SENP2: variants seen among roughly 807,000 people sequenced by gnomAD.
The protein encoded by SENP2 is SUMO specific peptidase 2.
Under a neutral mutation model 86.3 loss-of-function variants are expected in SENP2, and 16 were observed. That is an observed-to-expected ratio of 0.19 (90% CI 0.13 to 0.28). The LOEUF is 0.28. SENP2 is among the 10% of genes least tolerant of loss of function. SENP2 has a pLI of 1.00. For synonymous variants in SENP2, 222 were observed against 238.7 expected (o/e 0.93, Z 0.64); for missense variants, 552 against 703.0 (o/e 0.79, Z 2.43).
rs954099510 is a variant in SENP2 at position 185,624,604 on chromosome 3, G to A, written c.1611+522G>A. 7.2e-5 allele frequency among the ~76,000 whole-genome samples: 11 copies of A among 152,100 alleles called. 1 individual carries two copies. Among genetic ancestry groups the A allele is most frequent in the South Asian group, 6.2e-4 (3 of 4,810 alleles). Reference sequence around the variant, plus strand: ...AAACTGAAAAGTTTGGGCCAGGCGCGGTGGCTCACACTTGTAATCCCAGCA... The same window carrying A: ...AAACTGAAAAGTTTGGGCCAGGCGCAGTGGCTCACACTTGTAATCCCAGCA... On this transcript the variant is annotated intron_variant, in intron 15 of 16. Coordinates refer to ENST00000296257, the MANE Select transcript of SENP2 (RefSeq NM_021627.3).
Position 185,617,577 on chromosome 3 carries a change from A to G in SENP2, c.1208A>G (p.Gln403Arg). The G allele has an allele frequency of 6.2e-7, 1 of 1,613,812 alleles. No homozygotes were observed. Among genetic ancestry groups the G allele is most frequent in the Non-Finnish European group, 8.5e-7 (1 of 1,179,746 alleles). ...TTGCGAATTACTCGAGGAGATATTC[A>G]GACATTAAAGAACTATCACTGGCTC... is the stretch of plus-strand genomic sequence containing the variant. ...FKLRITRGDI[Q>R]TLKNYHWLND... The change falls in exon 12 of 17, where the codon CAG (glutamine) becomes CGG (arginine). Residue 403 changes from glutamine (Q) to arginine (R), a missense_variant. This residue lies in a region of SENP2 where 169 missense variants were observed against 275.7 expected (regional missense o/e 0.61). Transcript: ENST00000296257.
intron 6 of SENP2, among the ~76,000 whole-genome samples, chr3:185,607,558 G>A (rs996241993): frequency 3.3e-5 from 5 of 151,586 alleles, no homozygotes; most frequent in Non-Finnish European, 5.9e-5. Context: ...TCAAACTCCC[G>A]ACCTCAGGTG....
At position 185,629,850 on chromosome 3, in the gene SENP2, CTT is replaced by C. The variant is rs774312688; in HGVS notation, c.*8_*9del. Reference sequence around the variant, plus strand: ...TTCATCAGCAGTTGCTGTGAGAAAACTTTGCCTGGTCCCTCTAGCTGCTGGTG... The same window carrying C: ...TTCATCAGCAGTTGCTGTGAGAAAACTGCCTGGTCCCTCTAGCTGCTGGTG... On this transcript the variant is annotated 3_prime_UTR_variant, in exon 17 of 17. Coordinates refer to ENST00000296257, the MANE Select transcript of SENP2 (RefSeq NM_021627.3). 2 of 1,613,996 alleles carry C rather than the reference CTT, an allele frequency of 1.2e-6. No homozygotes were observed. Among genetic ancestry groups the C allele is most frequent in the Admixed American group, 1.7e-5 (1 of 60,018 alleles).
chr3:185,607,849 T>G (rs1469661960), intron 6 of SENP2, among the ~76,000 whole-genome samples: 2 of 152,220 alleles, frequency 1.3e-5, no homozygotes, highest in Non-Finnish European at 2.9e-5. Flanking sequence ...TTTTATAAAC[T>G]TTAGTAACTG....
Position 185,586,342 on chromosome 3 carries a change from C to T in SENP2, c.-72C>T. On this transcript the variant is annotated 5_prime_UTR_variant, in exon 1 of 17. Transcript: ENST00000296257. This position sits in a 1 kb window ranked among gnomAD's most constrained non-coding sequence, Gnocchi z 4.3. ...GCGGTGGTGGTTAAGACGGCGAAGG[C>T]GGCAGCGGCGGCGACAGCTCTGGGG... 2 of 1,593,100 alleles carry T rather than the reference C, an allele frequency of 1.3e-6. No homozygotes were observed. Among genetic ancestry groups the T allele is most frequent in the South Asian group, 2.2e-5 (2 of 90,016 alleles).
Position 185,633,358 on chromosome 3 carries a change from C to CG in SENP2, c.*3514_*3515insG, listed in dbSNP as rs1363167232. ...CTTTTGTAACTGTTTGAGAAAAACT[C>CG]TGAAGCACCTGATATTCAAACAAAC... On this transcript the variant is annotated 3_prime_UTR_variant, in exon 17 of 17. Transcript: ENST00000296257. 1 of 151,556 alleles carries CG rather than the reference C, an allele frequency of 6.6e-6. No individual in the cohort carries two copies. The highest frequency in any genetic ancestry group is 6.6e-5 in the Admixed American group (1 of 15,154). 9.4% of individuals were successfully genotyped at this position (151,556 alleles called of 1,614,324 possible).
At chr3:185,599,809 C>CG in intron 4 of SENP2, among the ~76,000 whole-genome samples, 1 of 132,018 alleles carries the variant, frequency 7.6e-6, no homozygotes, top group East Asian at 2.1e-4. Context: ...TTCTTTCTTT[C>CG]TTTTTTTTTT....
chr3:185,624,859 C>G (rs1401120889), intron 15 of SENP2, among the ~76,000 whole-genome samples: 1 of 143,540 alleles, frequency 7.0e-6, no homozygotes, highest in African/African-American at 2.5e-5. Context: ...CAGAGCGAGA[C>G]TGTCTCAAAA....
chr3:185,595,394 T>G (rs1477722474), intron 2 of SENP2, among the ~76,000 whole-genome samples: 1 of 152,176 alleles, frequency 6.6e-6, no homozygotes, highest in Non-Finnish European at 1.5e-5. Flanking sequence ...AACCTGGAAT[T>G]CTCTGATTCC....
rs1009771876 is a variant in SENP2 at position 185,630,103 on chromosome 3, AT to A, written c.*267del. The A allele has an allele frequency of 4.2e-5, 15 of 353,436 alleles. No individual in the cohort carries two copies. Among genetic ancestry groups the A allele is most frequent in the East Asian group, 2.1e-4 (5 of 24,340 alleles). 21.9% of individuals were successfully genotyped at this position (353,436 alleles called of 1,614,324 possible). On this transcript the variant is annotated 3_prime_UTR_variant, in exon 17 of 17. Transcript: ENST00000296257. ...CACACAAGAACAAACGCTAACTAAT[AT>A]TTTTTTTAAGAGATTCTTTTCCCTA... is the stretch of plus-strand genomic sequence containing the variant.
chr3:185,614,476 AG>A, intron 10 of SENP2, 87 bp from the exon 11 acceptor site: 1 of 1,204,774 alleles, frequency 8.3e-7, no homozygotes, highest in Non-Finnish European at 1.2e-6. Flanking sequence ...CTTTCACATT[AG>A]TGGCAGTTTT....
In SENP2 at chr3:185,632,213, GTTTTTTTTTTGTTTTTTTTTTTTGT is replaced by G. The variant is rs1712507018; in HGVS notation, c.*2380_*2404del. The G allele has an allele frequency of 8.0e-6, 1 of 125,326 alleles. No individual in the cohort carries two copies. The highest frequency in any genetic ancestry group is 3.0e-5 in the African/African-American group (1 of 33,022). 7.8% of individuals were successfully genotyped at this position (125,326 alleles called of 1,614,324 possible). A position where few individuals can be genotyped will look rare whatever the true frequency, so the allele number is the denominator to read the frequency against. ...CAAATTATCACCATTAAAGCCAGTG[GTTTTTTTTTTGTTTTTTTTTTTTGT>G]TTTTTTTTTTTTTTTTTGCGACAGA... On this transcript the variant is annotated 3_prime_UTR_variant, in exon 17 of 17. Coordinates refer to ENST00000296257, the MANE Select transcript of SENP2 (RefSeq NM_021627.3).
intron 13 of SENP2, among the ~76,000 whole-genome samples, chr3:185,620,983 A>C (rs1485558327): frequency 2.6e-5 from 4 of 151,174 alleles, no homozygotes; most frequent in Admixed American, 2.6e-4. Context: ...TACAAATTTA[A>C]AAATTTGCTG....
At chr3:185,618,968 A>T (rs1040604531) in intron 12 of SENP2, among the ~76,000 whole-genome samples, 4 of 152,242 alleles carry the variant, frequency 2.6e-5, no homozygotes, top group Non-Finnish European at 5.9e-5. Flanking sequence ...AGTCTAATTT[A>T]TATGTAGTAA....
chr3:185,621,386 C>CTTTTTTTTTTTTTTTTTTTT (rs1220771289), intron 13 of SENP2, among the ~76,000 whole-genome samples: 3 of 78,776 alleles, frequency 3.8e-5, no homozygotes, highest in Admixed American at 1.9e-4. Context: ...TCTTTTTTTT[C>CTTTTTTTTTTTTTTTTTTTT]TTTTTTTTTT....
chr3:185,611,946 C>G (rs1180748920), intron 8 of SENP2, among the ~76,000 whole-genome samples: 3 of 152,134 alleles, frequency 2.0e-5, no homozygotes, highest in African/African-American at 7.2e-5. Flanking sequence ...CACCTGAGGT[C>G]AGGAGTTCAA....
At chr3:185,591,598 G>A (rs932333107) in intron 2 of SENP2, among the ~76,000 whole-genome samples, 4 of 152,094 alleles carry the variant, frequency 2.6e-5, no homozygotes, top group Non-Finnish European at 4.4e-5. Flanking sequence ...TGATCCACCT[G>A]CCTCAGCCTC....
rs202198191 is a variant in SENP2 at position 185,619,319 on chromosome 3, T to C, written c.1263T>C (p.Asn421=). 239 of 1,613,544 alleles carry C rather than the reference T, an allele frequency of 1.5e-4. 2 individuals are homozygous for C. The highest frequency in any genetic ancestry group is 3.6e-5 in the Non-Finnish European group (42 of 1,179,546). ...LNDEVINFYM[N]LLVERNKKQG... is the part of the protein sequence containing the mutation. ...TGTAGGTCATTAATTTTTACATGAA[T>C]CTTCTGGTGGAAAGAAATAAAAAGC... Residue 421 remains asparagine (N), a synonymous_variant, in exon 13 of 17, where the codon AAT becomes AAC. Transcript: ENST00000296257.
chr3:185,616,957 T>C (rs1347061113), intron 11 of SENP2, among the ~76,000 whole-genome samples: 2 of 152,194 alleles, frequency 1.3e-5, no homozygotes, highest in Admixed American at 6.5e-5. Context: ...ATGATAATAA[T>C]GTCTTCCTCA....
Sources: gnomAD v4.1 joint callset for allele counts (sites outside exome capture counted in the v4.1 genomes callset) on GRCh38, gnomAD v4.1.1 for gene constraint, gnomAD v4.1.1 regional missense constraint, Gnocchi (gnomAD v3.1) non-coding constraint, MANE v1.5 for transcripts, NCBI Gene and HGNC (gene_info 2026-07-23, HGNC 2026-07-21) for gene names.